The following FAAH2 variants were observed in gnomAD, a reference collection of about 807,000 sequenced individuals.
FAAH2 encodes fatty-acid amide hydrolase 2.
In FAAH2, 60 loss-of-function variants were observed where a neutral mutation model predicts 36.9. The observed-to-expected ratio is 1.63, with a 90% CI of 1.32 to 2.02. The LOEUF is 2.02. Among genes scored for constraint, FAAH2 ranks in the 30% most tolerant of loss-of-function variants. The pLI is 0.00. For missense variants in FAAH2, 689 were observed against 397.5 expected (o/e 1.73, Z -6.23); for synonymous variants, 214 against 143.8 (o/e 1.49, Z -3.49).
chrX:57,142,679 A>T, the FAAH2 span, among the ~76,000 whole-genome samples: 5 of 111,405 alleles, frequency 4.5e-5, no homozygotes, highest in East Asian at 1.1e-3. Flanking sequence ...TGTCTAGATG[A>T]TCTTTACCAT....
chrX:57,391,666 A>G (rs1467541461), intron 7 of FAAH2, among the ~76,000 whole-genome samples: 1 of 110,670 alleles, frequency 9.0e-6, no homozygotes, highest in Admixed American at 9.6e-5. Flanking sequence ...TTGATTCTCT[A>G]TTTGGTTCCA....
chrX:57,232,796 T>A, the FAAH2 span, among the ~76,000 whole-genome samples: 3 of 112,308 alleles, frequency 2.7e-5, no homozygotes, highest in East Asian at 5.6e-4. Flanking sequence ...ACAGCCTAGA[T>A]GGAACAAGCA....
chrX:57,278,330 G>C, the FAAH2 span, among the ~76,000 whole-genome samples: 1 of 111,538 alleles, frequency 9.0e-6, no homozygotes, highest in Non-Finnish European at 1.9e-5. Flanking sequence ...AATGGGGAAA[G>C]GATTCCCTAT....
chrX:57,470,891 T>C (rs1296063241), intron 10 of FAAH2, among the ~76,000 whole-genome samples: 1 of 111,428 alleles, frequency 9.0e-6, no homozygotes, highest in East Asian at 2.8e-4. Flanking sequence ...AAAAAGCTTA[T>C]CCACCATGAT....
the FAAH2 span, among the ~76,000 whole-genome samples, chrX:57,203,464 A>G: frequency 2.7e-5 from 3 of 111,926 alleles, no homozygotes; most frequent in Non-Finnish European, 5.6e-5. Flanking sequence ...GGTGCTGCAG[A>G]GATTTTATTT....
At chrX:57,470,376 G>T (rs1224601903) in intron 10 of FAAH2, among the ~76,000 whole-genome samples, 4 of 111,307 alleles carry the variant, frequency 3.6e-5, no homozygotes, top group African/African-American at 1.3e-4. Context: ...GAAGAAAAGA[G>T]AAGAATCAAA....
At chrX:57,151,716 G>T in the FAAH2 span, among the ~76,000 whole-genome samples, 6 of 110,555 alleles carry the variant, frequency 5.4e-5, no homozygotes, top group Admixed American at 2.9e-4. Flanking sequence ...ATTTCCTCCT[G>T]TAGCTCGGAG....
At chrX:57,289,382 C>A (rs1166667356) in intron 1 of FAAH2, among the ~76,000 whole-genome samples, 2 of 111,010 alleles carry the variant, frequency 1.8e-5, no homozygotes, top group Non-Finnish European at 3.8e-5. Context: ...GTCTTCTGAA[C>A]CTCCACAGCC....
intron 10 of FAAH2, among the ~76,000 whole-genome samples, chrX:57,451,627 C>T (rs1322504857): frequency 1.8e-5 from 2 of 111,066 alleles, no homozygotes; most frequent in East Asian, 2.8e-4. Flanking sequence ...AGTACGAACC[C>T]CATGAGCAAT....
chrX:57,342,690 A>G (rs1172036816), intron 5 of FAAH2, among the ~76,000 whole-genome samples: 2 of 110,639 alleles, frequency 1.8e-5, no homozygotes, highest in Non-Finnish European at 3.8e-5. Flanking sequence ...TTGTGTGTCC[A>G]TGTGGTTTGG....
chrX:57,328,638 T>C (rs2053298504), intron 3 of FAAH2, among the ~76,000 whole-genome samples: 1 of 112,009 alleles, frequency 8.9e-6, no homozygotes. Flanking sequence ...ACACTCTGAT[T>C]TTTTGAATTG....
chrX:57,458,868 T>C (rs1248536236), intron 10 of FAAH2, among the ~76,000 whole-genome samples: 1 of 111,587 alleles, frequency 9.0e-6, no homozygotes, highest in Non-Finnish European at 1.9e-5. Flanking sequence ...GGGACCTGGG[T>C]TTGAAACACA....
At chrX:57,236,288 G>A in the FAAH2 span, among the ~76,000 whole-genome samples, 1 of 112,201 alleles carries the variant, frequency 8.9e-6, no homozygotes, top group Non-Finnish European at 1.9e-5. Context: ...AATTGTGAAT[G>A]ATGCTTTATA....
At chrX:57,142,526 A>G in the FAAH2 span, among the ~76,000 whole-genome samples, 1 of 112,283 alleles carries the variant, frequency 8.9e-6, no homozygotes, top group African/African-American at 3.2e-5. Context: ...GGCCTAACAT[A>G]TGGTCTGTCT....
At position 57,422,056 on chromosome X, in the gene FAAH2, G is replaced by T. The variant is rs906970547; in HGVS notation, c.997-9862G>T. ...TGTTAGCTGAAACAAACTGCTTCCGGCTGTCTTTACTAACAGACATAGGAA... is the reference window on the plus strand; with the variant it reads ...TGTTAGCTGAAACAAACTGCTTCCGTCTGTCTTTACTAACAGACATAGGAA... On this transcript the variant is annotated intron_variant, in intron 7 of 10. Coordinates refer to ENST00000374900, the MANE Select transcript of FAAH2 (RefSeq NM_174912.4). Among the ~76,000 whole-genome samples, 6 of 111,103 alleles carry T rather than the reference G, an allele frequency of 5.4e-5. No individual in the cohort carries two copies. In the South Asian group the frequency reaches 1.5e-3, roughly 28 times the overall value.
At chrX:57,445,844 C>A (rs748019183) in intron 8 of FAAH2, among the ~76,000 whole-genome samples, 2 of 112,215 alleles carry the variant, frequency 1.8e-5, no homozygotes, top group East Asian at 5.6e-4. Flanking sequence ...AGGTTGGGTG[C>A]ATCCAAAATC....
chrX:57,346,254 A>T (rs752731951), intron 5 of FAAH2, among the ~76,000 whole-genome samples: 72 of 111,467 alleles, frequency 6.5e-4, no homozygotes, highest in Non-Finnish European at 1.1e-3. Flanking sequence ...TGTGTGGCTA[A>T]GTTTTTTCTT....
the FAAH2 span, among the ~76,000 whole-genome samples, chrX:57,203,257 A>T: frequency 1.8e-5 from 2 of 112,300 alleles, no homozygotes; most frequent in African/African-American, 6.5e-5. Flanking sequence ...GGATGGGCCA[A>T]AACAAAGGGA....
chrX:57,359,843 G>A (rs1164982956), intron 5 of FAAH2, among the ~76,000 whole-genome samples: 2 of 111,393 alleles, frequency 1.8e-5, no homozygotes, highest in African/African-American at 6.5e-5. Flanking sequence ...ACTCCTTTTG[G>A]CAATTCTTGA....
Sources: allele counts gnomAD v4.1 joint callset (sites outside exome capture counted in the v4.1 genomes callset), GRCh38; gene constraint gnomAD v4.1.1; transcripts MANE v1.5; gene names NCBI Gene and HGNC (gene_info 2026-07-23, HGNC 2026-07-21).